Variants in ZNF479 observed in about 807,000 individuals in gnomAD.
The protein encoded by ZNF479 is zinc finger protein 479.
In ZNF479, 15 loss-of-function variants were observed where a neutral mutation model predicts 14.7. The ratio of observed to expected loss-of-function variants is 1.02; its 90% CI spans 0.68 to 1.57. The LOEUF (loss-of-function observed/expected upper bound fraction) is 1.57. Among genes scored for constraint, ZNF479 ranks in the 40% most tolerant of loss-of-function variants. The probability of loss-of-function intolerance (pLI) is 0.00; values close to 1 mark genes in which losing one functional copy is unlikely to be tolerated. For missense variants in ZNF479, 506 were observed against 615.1 expected, an observed-to-expected ratio of 0.82 and a Z score of 1.88; for synonymous variants, 145 against 211.5, an observed-to-expected ratio of 0.69 and a Z score of 2.73.
chr7:57,128,941 G>A (rs1786299705), intron 1 of ZNF479, among the ~76,000 whole-genome samples: 1 of 152,122 alleles, frequency 6.6e-6, no homozygotes, highest in Non-Finnish European at 1.5e-5. Context: ...CCTGCATCTT[G>A]AGAATATGCC....
In ZNF479 at chr7:57,119,433, C is replaced by T. The variant is rs1785805336; in HGVS notation, c.*407G>A. ...GACCATCCTGGCCAACATGGTGAAA[C>T]TCTATCTCTACTAAAAATACACAAA... On this transcript the variant is annotated 3_prime_UTR_variant, in exon 4 of 4. Transcript: ENST00000319636. Among the ~76,000 whole-genome samples the T allele has an allele frequency of 6.6e-6, 1 of 152,054 alleles. No homozygotes were observed. The highest frequency in any genetic ancestry group is 1.9e-4 in the East Asian group (1 of 5,174).
At chr7:57,137,194 C>A (rs140738321), upstream of ZNF479, among the ~76,000 whole-genome samples, 38 of 152,222 alleles carry the variant, frequency 2.5e-4, 1 homozygote, top group African/African-American at 8.2e-4. Context: ...TGGAATGCAG[C>A]GGCACAATCT....
At chr7:57,133,746 A>G (rs1399109488), upstream of ZNF479, among the ~76,000 whole-genome samples, 1 of 152,046 alleles carries the variant, frequency 6.6e-6, no homozygotes, top group Non-Finnish European at 1.5e-5. Context: ...GGCATCTGCA[A>G]TCTCAGCTAC....
At chr7:57,126,459 A>G in intron 2 of ZNF479, 133 bp downstream of exon 2, 2 of 832,976 alleles carry the variant, frequency 2.4e-6, no homozygotes, top group Non-Finnish European at 1.9e-6. Context: ...AATTTGTTCT[A>G]CAGCAATGAA....
At chr7:57,137,836 C>T (rs1786715274) in intron 1 of ZNF479, among the ~76,000 whole-genome samples, 1 of 152,180 alleles carries the variant, frequency 6.6e-6, no homozygotes, top group Admixed American at 6.5e-5. Flanking sequence ...GTGACTCTCC[C>T]TTTCTGCCTG....
chr7:57,139,725 T>C (rs979067357), exon 1 of ZNF479: 1 of 152,218 alleles, frequency 6.6e-6, no homozygotes, highest in Non-Finnish European at 1.5e-5. Flanking sequence ...GCCTGGGTCC[T>C]GCCCTTAGTT....
rs1554399448 is a variant in ZNF479, at chr7:57,118,780, G to C, written c.*1060C>G. Among the ~76,000 whole-genome samples, 6 of 152,268 alleles carry C rather than the reference G, an allele frequency of 3.9e-5. No individual in the cohort carries two copies. In the South Asian group the frequency reaches 8.3e-4, roughly 21 times the overall value. ...TTTTCTCTAGTATAAATGCTTTCCTGTACCATAAGGTGTGAGAATTTGTTA... is the reference window on the plus strand; with the variant it reads ...TTTTCTCTAGTATAAATGCTTTCCTCTACCATAAGGTGTGAGAATTTGTTA... On this transcript the variant is annotated 3_prime_UTR_variant, in exon 4 of 4. Coordinates refer to ENST00000319636, the MANE Select transcript of ZNF479 (RefSeq NM_001370129.2).
chr7:57,133,338 T>G (rs1038475381), upstream of ZNF479, among the ~76,000 whole-genome samples: 2 of 152,032 alleles, frequency 1.3e-5, no homozygotes, highest in Non-Finnish European at 2.9e-5. Context: ...CCCTTCACCT[T>G]CTGTCATGGT....
rs185163826 is a variant in ZNF479 at position 57,119,963 on chromosome 7, C to T, written c.1452G>A (p.Lys484=). The change falls in exon 4 of 4, where the codon AAG becomes AAA. Residue 484 remains lysine (K), a synonymous_variant. Coordinates refer to ENST00000319636, the MANE Select transcript of ZNF479 (RefSeq NM_001370129.2). ...FNCSSTLMQH[K]RIHTGEKPYK... is the part of the protein sequence containing the mutation. ...AGGGTTTCTCTCCAGTATGAATTCT[C>T]TTATGTTGCATAAGGGTTGAGGAGC... is the stretch of plus-strand genomic sequence containing the variant. 3.5e-4 allele frequency: 557 copies of T among 1,613,806 alleles called. 4 individuals carry two copies. The African/African-American group carries it at 6.6e-3, about 19-fold the overall frequency.
chr7:57,132,780 C>T (rs1562852099), upstream of ZNF479, among the ~76,000 whole-genome samples: 1 of 152,156 alleles, frequency 6.6e-6, no homozygotes, highest in Non-Finnish European at 1.5e-5. Context: ...TATGACCTTC[C>T]TTGCTGCGGA....
chr7:57,133,913 C>T (rs573232158), upstream of ZNF479, among the ~76,000 whole-genome samples: 2 of 152,178 alleles, frequency 1.3e-5, no homozygotes, highest in Non-Finnish European at 2.9e-5. Context: ...TTGATTGCAA[C>T]AACTTAATCA....
At chr7:57,135,399 G>GTGTT (rs766634582), upstream of ZNF479, among the ~76,000 whole-genome samples, 1 of 151,894 alleles carries the variant, frequency 6.6e-6, no homozygotes, top group Non-Finnish European at 1.5e-5. Context: ...TGCTGTCTTT[G>GTGTT]TGTTTGTTTG....
upstream of ZNF479, among the ~76,000 whole-genome samples, chr7:57,133,737 G>T (rs941376170): frequency 1.2e-4 from 19 of 152,134 alleles, no homozygotes; most frequent in African/African-American, 4.3e-4. Flanking sequence ...GTGGTGACAG[G>T]CATCTGCAAT....
chr7:57,135,021 C>T (rs1301634970), upstream of ZNF479, among the ~76,000 whole-genome samples: 1 of 152,080 alleles, frequency 6.6e-6, no homozygotes, highest in East Asian at 1.9e-4. Flanking sequence ...ACCCAATCTT[C>T]GTTTCTGAAT....
rs1554399333 is a variant in ZNF479, at chr7:57,117,890, T to A, written c.*1950A>T. ...AAGAAGCATACCTCGAAGGTAATTATGAATCTCGAAAAAAACTACTTCTTT... is the reference window on the plus strand; with the variant it reads ...AAGAAGCATACCTCGAAGGTAATTAAGAATCTCGAAAAAAACTACTTCTTT... On this transcript the variant is annotated 3_prime_UTR_variant, in exon 4 of 4. Coordinates refer to ENST00000319636, the MANE Select transcript of ZNF479 (RefSeq NM_001370129.2). Among the ~76,000 whole-genome samples, 1 of 152,268 alleles carries A rather than the reference T, an allele frequency of 6.6e-6. No homozygotes were observed. The highest frequency in any genetic ancestry group is 6.5e-5 in the Admixed American group (1 of 15,284).
rs782258403 is a variant in ZNF479 at position 57,120,892 on chromosome 7, C to G, written c.523G>C (p.Asp175His). The change falls in exon 4 of 4, where the codon GAT becomes CAT. Residue 175 changes from aspartate (D) to histidine (H), a missense_variant. Coordinates refer to ENST00000319636, the MANE Select transcript of ZNF479 (RefSeq NM_001370129.2). ...TTATTTCCAGTATATCTTGTTTTATCTCTATTGGAATTTGAAAATTTACCA... is the reference window on the plus strand; with the variant it reads ...TTATTTCCAGTATATCTTGTTTTATGTCTATTGGAATTTGAAAATTTACCA... The part of the protein sequence containing the change: ...VFGKFSNSNR[D>H]KTRYTGNKHF... 27 of 1,613,682 alleles carry G rather than the reference C, an allele frequency of 1.7e-5. No homozygotes were observed. The highest frequency in any genetic ancestry group is 2.3e-5 in the Non-Finnish European group (27 of 1,179,934).
chr7:57,125,872 T>A, intron 3 of ZNF479, 146 bp downstream of exon 3: 1 of 963,848 alleles, frequency 1.0e-6, no homozygotes, highest in East Asian at 2.5e-5. Context: ...TGTCCCTATG[T>A]GAGAGCAAAA....
intron 1 of ZNF479, among the ~76,000 whole-genome samples, chr7:57,138,852 CA>C (rs1189574078): frequency 2.6e-5 from 4 of 152,184 alleles, no homozygotes; most frequent in South Asian, 2.1e-4. Context: ...CTGACAGATA[CA>C]GTCCACAGTT....
Position 57,117,866 on chromosome 7 carries a change from A to G in ZNF479, c.*1974T>C, listed in dbSNP as rs1411104431. Among the ~76,000 whole-genome samples the G allele has an allele frequency of 1.4e-4, 21 of 152,272 alleles. No homozygotes were observed. Among genetic ancestry groups the G allele is most frequent in the Non-Finnish European group, 2.8e-4 (19 of 68,048 alleles). On this transcript the variant is annotated 3_prime_UTR_variant, in exon 4 of 4. Coordinates refer to ENST00000319636, the MANE Select transcript of ZNF479 (RefSeq NM_001370129.2). ...CAGAAACTATTTTTTTATAGAAGAA[A>G]GAAGCATACCTCGAAGGTAATTATG...
Sources: allele counts gnomAD v4.1 joint callset (sites outside exome capture counted in the v4.1 genomes callset), GRCh38; gene constraint gnomAD v4.1.1; transcripts MANE v1.5; gene names NCBI Gene and HGNC (gene_info 2026-07-23, HGNC 2026-07-21).